Variants in SRRM4 observed in about 807,000 individuals in gnomAD.
SRRM4 encodes the protein serine/arginine repetitive matrix 4, also known as serine/arginine repetitive matrix protein 4.
Under a neutral mutation model 68.9 loss-of-function variants are expected in SRRM4, and 33 were observed. The ratio of observed to expected loss-of-function variants is 0.48; its 90% CI spans 0.36 to 0.64. The LOEUF (loss-of-function observed/expected upper bound fraction) is 0.64, where lower values mean the gene tolerates loss of function less well. SRRM4 is among the 30% of genes least tolerant of loss of function. SRRM4 has a pLI of 0.00. For missense variants in SRRM4, 817 were observed against 827.1 expected (o/e 0.99, Z 0.15); for synonymous variants, 318 against 318.8 (o/e 1.00, Z 0.03).
At chr12:119,077,659 C>T (rs1441426205) in intron 1 of SRRM4, among the ~76,000 whole-genome samples, 1 of 152,032 alleles carries the variant, frequency 6.6e-6, no homozygotes, top group Non-Finnish European at 1.5e-5. Context: ...AACATGGTAG[C>T]AATTATAATA....
intron 1 of SRRM4, among the ~76,000 whole-genome samples, chr12:119,047,181 T>C (rs915537182): frequency 3.3e-5 from 5 of 152,090 alleles, no homozygotes; most frequent in African/African-American, 1.2e-4. Flanking sequence ...AATAATGAAA[T>C]TTACCACAAA....
In SRRM4 at chr12:119,031,865, A is replaced by G. The variant is rs190731220; in HGVS notation, c.131+49852A>G. 3.9e-3 allele frequency among the ~76,000 whole-genome samples: 589 copies of G among 152,192 alleles called. 12 individuals are homozygous for G. Among genetic ancestry groups the G allele is most frequent in the South Asian group, 3.3e-3 (16 of 4,812 alleles). On this transcript the variant is annotated intron_variant, in intron 1 of 12. Transcript: ENST00000267260. ...CATTTGTCTTTAATGCATATCTTAG[A>G]TATTTTTTCTGATTTTACCATTTGT...
chr12:119,079,708 C>T (rs1254689144), intron 1 of SRRM4, among the ~76,000 whole-genome samples: 5 of 152,138 alleles, frequency 3.3e-5, no homozygotes, highest in African/African-American at 1.2e-4. Context: ...CCACTGTAAA[C>T]CCCCGAAGCA....
At chr12:119,047,312 T>C (rs1022480387) in intron 1 of SRRM4, among the ~76,000 whole-genome samples, 4 of 152,172 alleles carry the variant, frequency 2.6e-5, no homozygotes, top group Non-Finnish European at 5.9e-5. Flanking sequence ...ATTAATCATT[T>C]CTTTTATTAT....
intron 2 of SRRM4, among the ~76,000 whole-genome samples, chr12:119,105,319 C>T (rs900376335): frequency 1.3e-5 from 2 of 152,062 alleles, no homozygotes; most frequent in Non-Finnish European, 2.9e-5. Flanking sequence ...ATTTATAATC[C>T]TTTGGTTATA....
At chr12:119,032,862 T>C (rs545690891) in intron 1 of SRRM4, among the ~76,000 whole-genome samples, 78 of 152,286 alleles carry the variant, frequency 5.1e-4, no homozygotes, top group African/African-American at 1.8e-3. Flanking sequence ...AATATGGTAA[T>C]TTATGTTTCC....
At chr12:119,076,145 GGGA>G (rs1798955676) in intron 1 of SRRM4, among the ~76,000 whole-genome samples, 1 of 148,266 alleles carries the variant, frequency 6.7e-6, no homozygotes, top group Non-Finnish European at 1.5e-5. Context: ...TGATGACAAT[GGGA>G]ATAATGATGA....
intron 8 of SRRM4, among the ~76,000 whole-genome samples, chr12:119,140,601 C>A (rs1954359392): frequency 6.6e-6 from 1 of 152,248 alleles, no homozygotes; most frequent in Non-Finnish European, 1.5e-5. Context: ...GGCAGCCTTG[C>A]TGCATGCAAA....
At chr12:119,120,299 G>A in intron 5 of SRRM4, 23 bp downstream of exon 5, 4 of 1,549,630 alleles carry the variant, frequency 2.6e-6, no homozygotes, top group Non-Finnish European at 3.5e-6. Flanking sequence ...TTCTCTGACT[G>A]CCTGTTCAAT....
intron 8 of SRRM4, among the ~76,000 whole-genome samples, chr12:119,137,344 G>A (rs1592913083): frequency 6.6e-6 from 1 of 152,096 alleles, no homozygotes; most frequent in Admixed American, 6.5e-5. Context: ...TTAGAATTCA[G>A]CTGAAATTAA....
intron 1 of SRRM4, among the ~76,000 whole-genome samples, chr12:119,048,577 C>T (rs1162308034): frequency 6.6e-6 from 1 of 152,078 alleles, no homozygotes; most frequent in African/African-American, 2.4e-5. Flanking sequence ...TTTCTTTACA[C>T]CTGGACGTTT....
intron 1 of SRRM4, among the ~76,000 whole-genome samples, chr12:119,024,112 A>T (rs530942062): frequency 2.4e-4 from 36 of 152,162 alleles, no homozygotes; most frequent in Non-Finnish European, 4.6e-4. Context: ...GGACTGTTTG[A>T]CTTTCTCTCT....
intron 7 of SRRM4, among the ~76,000 whole-genome samples, chr12:119,129,322 G>A (rs1476542924): frequency 6.6e-6 from 1 of 152,204 alleles, no homozygotes; most frequent in Admixed American, 6.5e-5. Flanking sequence ...CAGAGTCTAA[G>A]CATGCCCTTT....
At chr12:119,007,343 A>G (rs940254093) in intron 1 of SRRM4, among the ~76,000 whole-genome samples, 1 of 152,238 alleles carries the variant, frequency 6.6e-6, no homozygotes, top group African/African-American at 2.4e-5. Flanking sequence ...ACTGCGCAGG[A>G]GAACAAACAA....
chr12:119,088,855 T>C (rs1201958304), intron 1 of SRRM4, among the ~76,000 whole-genome samples: 1 of 152,190 alleles, frequency 6.6e-6, no homozygotes, highest in Non-Finnish European at 1.5e-5. Context: ...TTACAATGAA[T>C]AATTACAATT....
chr12:118,999,325 G>C (rs955567484), intron 1 of SRRM4, among the ~76,000 whole-genome samples: 2 of 152,182 alleles, frequency 1.3e-5, no homozygotes, highest in African/African-American at 4.8e-5. Flanking sequence ...CTGGAACTCA[G>C]AGTCGGGACA....
At position 119,083,409 on chromosome 12, in the gene SRRM4, T is replaced by C. The variant is rs536890870; in HGVS notation, c.132-18827T>C. Among the ~76,000 whole-genome samples, 10 of 152,218 alleles carry C rather than the reference T, an allele frequency of 6.6e-5. No individual in the cohort carries two copies. In the South Asian group the frequency reaches 2.1e-3, roughly 32 times the overall value. On this transcript the variant is annotated intron_variant, in intron 1 of 12. Transcript: ENST00000267260. ...CACAAGGCAAGAATTACTGTCTCTT[T>C]GGAGCAGCCTTCAACTAATGACTGA...
At chr12:119,033,599 G>T (rs1416546259) in intron 1 of SRRM4, among the ~76,000 whole-genome samples, 2 of 151,880 alleles carry the variant, frequency 1.3e-5, no homozygotes, top group African/African-American at 4.8e-5. Flanking sequence ...AAGAGGCGGA[G>T]GTCGCCGTGA....
At chr12:119,046,098 C>T (rs1953705918) in intron 1 of SRRM4, among the ~76,000 whole-genome samples, 1 of 151,862 alleles carries the variant, frequency 6.6e-6, no homozygotes, top group Admixed American at 6.6e-5. Flanking sequence ...CCCAGCGACC[C>T]ACTGATGGGG....
Sources: gnomAD v4.1 joint callset for allele counts (sites outside exome capture counted in the v4.1 genomes callset) on GRCh38, gnomAD v4.1.1 for gene constraint, MANE v1.5 for transcripts, NCBI Gene and HGNC (gene_info 2026-07-23, HGNC 2026-07-21) for gene names.